The following SRI variants were observed in gnomAD, a reference collection of about 807,000 sequenced individuals.
SRI encodes sorcin.
Under a neutral mutation model 33.3 loss-of-function variants are expected in SRI, and 30 were observed. The ratio of observed to expected loss-of-function variants is 0.90; its 90% CI spans 0.67 to 1.22. The LOEUF is 1.22. Among genes scored for constraint, SRI ranks in the 50% most tolerant of loss-of-function variants. SRI has a pLI of 0.00. For synonymous variants in SRI, 75 were observed against 89.9 expected (o/e 0.83, Z 0.94); for missense variants, 243 against 250.8 (o/e 0.97, Z 0.21).
chr7:88,219,711 G>A (rs1450350924), intron 1 of SRI, among the ~76,000 whole-genome samples: 2 of 152,158 alleles, frequency 1.3e-5, no homozygotes, highest in African/African-American at 4.8e-5. Context: ...GCGTATCCGA[G>A]AAGCCGCAGG....
intron 3 of SRI, among the ~76,000 whole-genome samples, chr7:88,215,927 T>C: frequency 6.6e-6 from 1 of 152,252 alleles, no homozygotes; most frequent in East Asian, 1.9e-4. Context: ...CAAGATCTAA[T>C]TTCAAGAGGA....
At chr7:88,209,002 GATTTT>G (rs1408228931) in intron 6 of SRI, 2 of 256,570 alleles carry the variant, frequency 7.8e-6, no homozygotes, top group Admixed American at 1.0e-4. Context: ...TATAGAAAAG[GATTTT>G]ATTTTAATTT....
chr7:88,221,566 A>T (rs546806037), upstream of SRI, among the ~76,000 whole-genome samples: 1 of 152,360 alleles, frequency 6.6e-6, no homozygotes, highest in South Asian at 2.1e-4. Flanking sequence ...GTTTGAAAGA[A>T]GTATAAAGCA....
upstream of SRI, among the ~76,000 whole-genome samples, chr7:88,220,954 A>C (rs1190789604): frequency 3.3e-5 from 5 of 152,202 alleles, no homozygotes; most frequent in Non-Finnish European, 7.3e-5. Flanking sequence ...GAATAGTCCG[A>C]AGCAATTCAG....
Position 88,208,565 on chromosome 7 carries a change from T to G in SRI, c.512A>C (p.Asp171Ala). ...ACCVKLRALTDSFRRRDTAQQ... is the reference protein window; with the variant it reads ...ACCVKLRALTASFRRRDTAQQ... The stretch of plus-strand genomic sequence containing the variant: ...AGCAGTATCCCGTCTTCGAAAGCTG[T>G]CTGTAAAACAACACAGTAAAATTTA... The change falls in exon 7 of 8, where the codon GAC becomes GCC. Residue 171 changes from aspartate to alanine, a missense_variant and splice_region_variant. Asp to Ala is a moderately radical substitution (Grantham distance 126). Transcript: ENST00000265729. 1 of 1,613,902 alleles carries G rather than the reference T, an allele frequency of 6.2e-7. No individual in the cohort carries two copies. The highest frequency in any genetic ancestry group is 8.5e-7 in the Non-Finnish European group (1 of 1,179,862).
At chr7:88,213,879 A>G (rs1213982493) in intron 3 of SRI, among the ~76,000 whole-genome samples, 1 of 152,206 alleles carries the variant, frequency 6.6e-6, no homozygotes, top group African/African-American at 2.4e-5. Flanking sequence ...CTACAGGGCT[A>G]TAATTTTTCT....
At chr7:88,211,418 G>T (rs989877307) in intron 3 of SRI, among the ~76,000 whole-genome samples, 1 of 151,914 alleles carries the variant, frequency 6.6e-6, no homozygotes. Flanking sequence ...TCATGCCACT[G>T]CACTCCAGCC....
intron 3 of SRI, among the ~76,000 whole-genome samples, chr7:88,215,925 A>G (rs78063490): frequency 0.012 from 1,864 of 152,336 alleles, 37 homozygotes; most frequent in African/African-American, 0.042. Flanking sequence ...TTCAAGATCT[A>G]ATTTCAAGAG....
At chr7:88,225,899 G>A (rs1851982714) in intron 1 of SRI, among the ~76,000 whole-genome samples, 1 of 152,190 alleles carries the variant, frequency 6.6e-6, no homozygotes, top group South Asian at 2.1e-4. Context: ...TGAACAAGAT[G>A]TAAATATGCA....
At chr7:88,209,069 CA>C (rs766030913) in intron 6 of SRI, 1 of 301,384 alleles carries the variant, frequency 3.3e-6, no homozygotes, top group Non-Finnish European at 6.1e-6. Flanking sequence ...ATTATCTGAT[CA>C]AAAATGCACA....
rs1851804421 is a variant in SRI, at chr7:88,218,913, A to C, written c.81T>G (p.Phe27Leu). Residue 27 changes from phenylalanine (F) to leucine (L), a missense_variant, in exon 2 of 8, where the codon TTT becomes TTG. Phe to Leu is a conservative substitution (Grantham distance 22). Coordinates refer to ENST00000265729, the MANE Select transcript of SRI (RefSeq NM_003130.4). The stretch of plus-strand genomic sequence containing the variant: ...ACAGCGGATCCTGAGTTTGTCCGGG[A>C]AACGCAGGCCCTCCGGGAGCCCCTC... ...GYGGAPGGPA[F>L]PGQTQDPLYG... The C allele has an allele frequency of 1.2e-6, 2 of 1,613,982 alleles. No individual in the cohort carries two copies. Among genetic ancestry groups the C allele is most frequent in the South Asian group, 1.1e-5 (1 of 91,086 alleles).
upstream of SRI, among the ~76,000 whole-genome samples, chr7:88,223,852 C>A (rs1458476131): frequency 2.6e-5 from 4 of 151,960 alleles, no homozygotes. Context: ...GATTTGCTGA[C>A]TGTAAGATAA....
chr7:88,226,798 A>G, intron 1 of SRI: 1 of 1,155,166 alleles, frequency 8.7e-7, no homozygotes, highest in Non-Finnish European at 1.2e-6. Flanking sequence ...TTGGAAACCC[A>G]TGGATCAGTA....
Position 88,214,733 on chromosome 7 carries a change from AATT to A in SRI, c.205+2386_205+2388del, listed in dbSNP as rs146904157. ...TAAAATTATTAATTCAACATTTTGA[AATT>A]ATTTAAATTAAATAATGTTAATTTT... is the stretch of plus-strand genomic sequence containing the variant. On this transcript the variant is annotated intron_variant, in intron 3 of 7. Transcript: ENST00000265729. 3,755 of 526,736 alleles carry A rather than the reference AATT, an allele frequency of 7.1e-3. 18 individuals are homozygous for A. Among genetic ancestry groups the A allele is most frequent in the Non-Finnish European group, 8.5e-3 (3,487 of 410,520 alleles). 32.6% of individuals were successfully genotyped at this position (526,736 alleles called of 1,614,324 possible). A position where few individuals can be genotyped will look rare whatever the true frequency, so the allele number is the denominator to read the frequency against.
rs1851420976 is a variant in SRI, at chr7:88,205,476, G to C, written c.*1002C>G. The C allele has an allele frequency of 6.6e-6, 1 of 152,190 alleles. No homozygotes were observed. Among genetic ancestry groups the C allele is most frequent in the Admixed American group, 6.5e-5 (1 of 15,278 alleles). The allele number at this position is 152,190 out of a possible 1,614,324, so 9.4% of individuals were successfully genotyped here. On this transcript the variant is annotated 3_prime_UTR_variant, in exon 8 of 8. Transcript: ENST00000265729. ...CAGCATTAGAATTCAGATCTTACTT[G>C]AAAGTGTACAGCTTAAAATTTTTTA... is the stretch of plus-strand genomic sequence containing the variant.
At position 88,218,854 on chromosome 7, in the gene SRI, C is replaced by T; in HGVS notation, c.135+5G>A. 6.2e-7 allele frequency: 1 copy of T among 1,613,956 alleles called. No individual in the cohort carries two copies. The highest frequency in any genetic ancestry group is 2.2e-5 in the East Asian group (1 of 44,884). ...GGCTCTTTAATATTAAAGGGAAAAG[C>T]TAACCTGTCCAGCTACAGCAGCAAA... On this transcript the variant is annotated splice_donor_5th_base_variant and intron_variant, in intron 2 of 7. Coordinates refer to ENST00000265729, the MANE Select transcript of SRI (RefSeq NM_003130.4).
intron 3 of SRI, among the ~76,000 whole-genome samples, chr7:88,211,514 A>G (rs1318289549): frequency 2.0e-5 from 3 of 152,164 alleles, no homozygotes; most frequent in African/African-American, 7.2e-5. Context: ...ACTGTAATAT[A>G]GCGAGTTCAA....
chr7:88,220,099 C>A (rs1326638702), upstream of SRI: 2 of 1,440,804 alleles, frequency 1.4e-6, no homozygotes, highest in African/African-American at 1.5e-5. Flanking sequence ...CCCCGCCCTG[C>A]CGCTAGGGGG....
chr7:88,219,106 T>C (rs956795454), intron 1 of SRI, 164 bp from the exon 2 acceptor site: 1 of 666,640 alleles, frequency 1.5e-6, no homozygotes, highest in Non-Finnish European at 2.7e-6. Flanking sequence ...ACCCCTCTCT[T>C]CCATTCACAC....
Sources: gnomAD v4.1 joint callset for allele counts (sites outside exome capture counted in the v4.1 genomes callset) on GRCh38, gnomAD v4.1.1 for gene constraint, MANE v1.5 for transcripts, NCBI Gene and HGNC (gene_info 2026-07-23, HGNC 2026-07-21) for gene names.